RUNX1: variants seen among roughly 807,000 people sequenced by gnomAD.
The protein encoded by RUNX1 is RUNX family transcription factor 1.
In RUNX1, 19 loss-of-function variants were observed where a neutral mutation model predicts 42.8. The observed-to-expected ratio is 0.44, with a 90% CI of 0.31 to 0.65. The LOEUF (loss-of-function observed/expected upper bound fraction) is 0.65, where lower values mean the gene tolerates loss of function less well. RUNX1 is among the 30% of genes least tolerant of loss of function. The pLI, the probability that RUNX1 is intolerant of heterozygous loss-of-function variation, is 0.07. For missense variants in RUNX1, 528 were observed against 672.0 expected, an observed-to-expected ratio of 0.79 and a Z score of 2.37; for synonymous variants, 271 against 289.4, an observed-to-expected ratio of 0.94 and a Z score of 0.64.
At chr21:34,961,229 C>T (rs1464998265) in intron 2 of RUNX1, among the ~76,000 whole-genome samples, 2 of 152,040 alleles carry the variant, frequency 1.3e-5, no homozygotes, top group African/African-American at 4.8e-5. Flanking sequence ...AAAAAATTAG[C>T]CGGACGTGGT....
intron 2 of RUNX1, among the ~76,000 whole-genome samples, chr21:34,956,088 T>C (rs536269300): frequency 6.6e-6 from 1 of 152,336 alleles, no homozygotes; most frequent in Admixed American, 6.5e-5. Context: ...CAGCAAAAGA[T>C]GTGTTTTTGT....
At chr21:34,951,638 A>C (rs1452507560) in intron 2 of RUNX1, among the ~76,000 whole-genome samples, 1 of 152,226 alleles carries the variant, frequency 6.6e-6, no homozygotes, top group Non-Finnish European at 1.5e-5. Context: ...GCTCATCATC[A>C]CTGGTCATTA....
chr21:35,000,578 A>G (rs1452865714), intron 2 of RUNX1, among the ~76,000 whole-genome samples: 2 of 152,154 alleles, frequency 1.3e-5, no homozygotes, highest in Non-Finnish European at 2.9e-5. Flanking sequence ...TTAACAATCA[A>G]CTGGCAAACA....
intron 2 of RUNX1, among the ~76,000 whole-genome samples, chr21:34,957,885 G>C (rs1367423084): frequency 6.6e-6 from 1 of 152,148 alleles, no homozygotes; most frequent in Non-Finnish European, 1.5e-5. Flanking sequence ...CTTCATCTGA[G>C]GGGTATGGGG....
chr21:34,879,880 A>G (rs1020731889), intron 5 of RUNX1, among the ~76,000 whole-genome samples: 6 of 152,216 alleles, frequency 3.9e-5, no homozygotes, highest in Admixed American at 3.3e-4. Flanking sequence ...ATAAAATCAC[A>G]CATGGAGCTG....
intron 2 of RUNX1, among the ~76,000 whole-genome samples, chr21:35,010,910 A>G (rs1158491160): frequency 2.0e-5 from 3 of 152,262 alleles, no homozygotes; most frequent in Admixed American, 2.0e-4. Flanking sequence ...ATGCATCTTT[A>G]GCCAACAACT....
At chr21:34,813,696 G>A (rs1035885458) in intron 7 of RUNX1, among the ~76,000 whole-genome samples, 1 of 152,106 alleles carries the variant, frequency 6.6e-6, no homozygotes, top group African/African-American at 2.4e-5. Flanking sequence ...GTACAGGCTA[G>A]CACTTGCCTC....
intron 2 of RUNX1, among the ~76,000 whole-genome samples, chr21:34,972,557 A>G (rs964993137): frequency 6.6e-6 from 1 of 152,230 alleles, no homozygotes; most frequent in African/African-American, 2.4e-5. Context: ...ATCATATGTT[A>G]CCATCACTAA....
At chr21:34,988,078 C>T (rs1297197019) in intron 2 of RUNX1, among the ~76,000 whole-genome samples, 1 of 152,174 alleles carries the variant, frequency 6.6e-6, no homozygotes, top group Admixed American at 6.5e-5. Flanking sequence ...TTTCTAGCAT[C>T]CTATAATTGT....
intron 3 of RUNX1, among the ~76,000 whole-genome samples, chr21:34,890,381 G>A (rs113387046): frequency 2.8e-4 from 43 of 152,316 alleles, no homozygotes; most frequent in African/African-American, 8.4e-4. Context: ...GAGCTGGAAC[G>A]GCCAAGGCGC....
chr21:34,939,641 C>G (rs1391894976), intron 2 of RUNX1, among the ~76,000 whole-genome samples: 2 of 152,136 alleles, frequency 1.3e-5, no homozygotes, highest in Non-Finnish European at 2.9e-5. Context: ...AATCCCCCCA[C>G]TGCAACAGGG....
intron 2 of RUNX1, among the ~76,000 whole-genome samples, chr21:34,915,633 A>T (rs891187951): frequency 3.3e-5 from 5 of 152,234 alleles, no homozygotes; most frequent in African/African-American, 9.6e-5. Context: ...GACTACTTTG[A>T]TCATGTATTT....
At chr21:34,800,849 G>A (rs2056597983) in intron 7 of RUNX1, among the ~76,000 whole-genome samples, 1 of 152,020 alleles carries the variant, frequency 6.6e-6, no homozygotes, top group Non-Finnish European at 1.5e-5. Flanking sequence ...TAGTTCCCAG[G>A]CAAATAGTTT....
chr21:34,979,904 G>A (rs543530440), intron 2 of RUNX1, among the ~76,000 whole-genome samples: 2 of 152,254 alleles, frequency 1.3e-5, no homozygotes, highest in African/African-American at 4.8e-5. Context: ...CCAGGTGGAG[G>A]GTGCTGGGTT....
In RUNX1 at chr21:34,792,423, G is replaced by T; in HGVS notation, c.1155C>A (p.Tyr385Ter). ...CTCCCTGCGCTTGCGACGAGCCGGG[G>T]TAGGGCGGCGGCAGGTAGGTGTGGT... ...TRYHTYLPPP[Y>*]PGSSQAQGGP... The change falls in exon 9 of 9, where the codon TAC (tyrosine) becomes TAA (stop). Residue 385 changes from tyrosine to a stop codon, truncating the protein, a stop_gained. Coordinates refer to ENST00000675419, the MANE Select transcript of RUNX1 (RefSeq NM_001754.5). LOFTEE classifies it high-confidence loss of function. The surrounding 1 kb of genome is among the most constrained non-coding windows in gnomAD (Gnocchi z 6.9). 1 of 1,571,426 alleles carries T rather than the reference G, an allele frequency of 6.4e-7. No individual in the cohort carries two copies. Among genetic ancestry groups the T allele is most frequent in the Non-Finnish European group, 8.6e-7 (1 of 1,158,382 alleles).
chr21:34,914,086 A>T (rs560669519), intron 2 of RUNX1, among the ~76,000 whole-genome samples: 1 of 152,322 alleles, frequency 6.6e-6, no homozygotes, highest in South Asian at 2.1e-4. Context: ...TCTCTCAGTC[A>T]GTGTGAAGCA....
chr21:34,849,375 A>ATATATAT (rs2057375527), intron 6 of RUNX1, among the ~76,000 whole-genome samples: 1 of 52,998 alleles, frequency 1.9e-5, no homozygotes, highest in African/African-American at 7.3e-5. Flanking sequence ...TATATATACT[A>ATATATAT]TATACATAGT....
intron 3 of RUNX1, among the ~76,000 whole-genome samples, chr21:34,890,920 G>A (rs1306322066): frequency 6.6e-6 from 1 of 152,134 alleles, no homozygotes; most frequent in African/African-American, 2.4e-5. Context: ...TCCCACCCAG[G>A]GCTCCTGGGG....
intron 2 of RUNX1, among the ~76,000 whole-genome samples, chr21:35,028,222 T>G (rs1479942792): frequency 1.3e-5 from 2 of 152,184 alleles, no homozygotes; most frequent in Non-Finnish European, 2.9e-5. Context: ...AGATGCAGAT[T>G]CTTGGGCCTC....
Sources: allele counts gnomAD v4.1 joint callset (sites outside exome capture counted in the v4.1 genomes callset), GRCh38; gene constraint gnomAD v4.1.1; non-coding constraint Gnocchi (gnomAD v3.1); transcripts MANE v1.5; gene names NCBI Gene and HGNC (gene_info 2026-07-23, HGNC 2026-07-21).